Variants in ZNF185 observed in about 807,000 individuals in gnomAD.
The protein encoded by ZNF185 is zinc finger protein 185 with LIM domain, also known as zinc finger protein 185.
ZNF185 carries 56 observed loss-of-function variants against 58.6 expected under a neutral mutation model. That is an observed-to-expected ratio of 0.95 (90% CI 0.77 to 1.19). The LOEUF is 1.19. Among genes scored for constraint, ZNF185 ranks in the 50% most tolerant of loss-of-function variants. The pLI is 0.00. For missense variants in ZNF185, 627 were observed against 573.5 expected (o/e 1.09, Z -0.95); for synonymous variants, 230 against 215.9 (o/e 1.07, Z -0.57).
chrX:152,958,116 G>T (rs2049041480), intron 16 of ZNF185, among the ~76,000 whole-genome samples: 1 of 112,235 alleles, frequency 8.9e-6, no homozygotes, highest in African/African-American at 3.2e-5. Context: ...TCTTTCGTAA[G>T]ATGTCACCAT....
intron 16 of ZNF185, among the ~76,000 whole-genome samples, chrX:152,957,145 G>A (rs1165340159): frequency 9.4e-6 from 1 of 106,086 alleles, no homozygotes; most frequent in African/African-American, 3.5e-5. Flanking sequence ...TCGGCTCACT[G>A]CAACCTCTGT....
chrX:152,920,437 G>A (rs782066162), intron 8 of ZNF185, 26 bp downstream of exon 9: 1 of 1,190,309 alleles, frequency 8.4e-7, no homozygotes, highest in South Asian at 1.8e-5. Context: ...CTGGCTCCAG[G>A]CTCTAGGACA....
At chrX:152,936,069 C>G (rs1049111835) in intron 14 of ZNF185, among the ~76,000 whole-genome samples, 4 of 112,484 alleles carry the variant, frequency 3.6e-5, no homozygotes, top group Non-Finnish European at 5.6e-5. Flanking sequence ...TACTTGGCAT[C>G]TATGAACTCA....
chrX:152,899,146 G>A, the ZNF185 span, among the ~76,000 whole-genome samples: 4 of 112,366 alleles, frequency 3.6e-5, no homozygotes, highest in Non-Finnish European at 7.5e-5. Context: ...CCCCAAAGCT[G>A]TGAGCCCCGA....
intron 14 of ZNF185, among the ~76,000 whole-genome samples, chrX:152,935,262 C>G (rs2046135980): frequency 2.0e-5 from 2 of 98,768 alleles, no homozygotes; most frequent in South Asian, 5.2e-4. Context: ...TTGAGACGGA[C>G]TCTTGCTCTG....
At chrX:152,941,432 G>A (rs2047164432) in intron 15 of ZNF185, among the ~76,000 whole-genome samples, 1 of 112,820 alleles carries the variant, frequency 8.9e-6, no homozygotes, top group Admixed American at 9.3e-5. Context: ...TTGCTGTAGA[G>A]CCTTGACGAT....
chrX:152,941,801 G>T, intron 15 of ZNF185: 1 of 1,160,905 alleles, frequency 8.6e-7, no homozygotes, highest in Non-Finnish European at 1.2e-6. Context: ...TCACGAATGG[G>T]CCCGAGGAGC....
At chrX:152,943,301 T>C (rs1380005757) in intron 15 of ZNF185, among the ~76,000 whole-genome samples, 2 of 112,085 alleles carry the variant, frequency 1.8e-5, no homozygotes, top group Non-Finnish European at 3.8e-5. Context: ...GGGACTACAA[T>C]TTCCGTTTTT....
intron 16 of ZNF185, among the ~76,000 whole-genome samples, chrX:152,953,833 C>T (rs900778057): frequency 3.6e-5 from 4 of 112,137 alleles, no homozygotes; most frequent in Non-Finnish European, 7.5e-5. Flanking sequence ...CACCACCTCC[C>T]GGGTTTAAGC....
Position 152,922,163 on chromosome X carries a change from T to C in ZNF185, c.657-10T>C. The C allele has an allele frequency of 1.7e-6, 2 of 1,190,582 alleles. No homozygotes were observed. Among genetic ancestry groups the C allele is most frequent in the Non-Finnish European group, 2.3e-6 (2 of 884,593 alleles). ...AAGACCACGAGCGCTGTTTCTCTTC[T>C]TGCTCAAAGGGTGGAGGTGGTGGAA... On this transcript the variant is annotated splice_polypyrimidine_tract_variant and intron_variant, in intron 9 of 22. Transcript: ENST00000449285.
chrX:152,929,062 T>G, intron 12 of ZNF185, among the ~76,000 whole-genome samples: 1 of 110,869 alleles, frequency 9.0e-6, no homozygotes, highest in Non-Finnish European at 1.9e-5. Flanking sequence ...TCAGCCGTGC[T>G]GGGGATGTTG....
chrX:152,959,794 C>T, exon 17 of ZNF185: 1 of 1,211,824 alleles, frequency 8.3e-7, no homozygotes, highest in Non-Finnish European at 1.1e-6. Flanking sequence ...CAAGGAGACC[C>T]AGCTGTACCC....
chrX:152,962,250 C>T (rs1410376873), intron 17 of ZNF185, among the ~76,000 whole-genome samples: 5 of 110,171 alleles, frequency 4.5e-5, no homozygotes, highest in Non-Finnish European at 9.5e-5. Context: ...GGGAGGGCTC[C>T]TATTGCTCAC....
In ZNF185 at chrX:152,927,485, T is replaced by A. The variant is rs193022577; in HGVS notation, c.831-1090T>A. ...CCCTACCCCTCCTGGGACCCCTGAG[T>A]GGCCTCTTTAAAGTGCCAGTCTGAA... On this transcript the variant is annotated intron_variant, in intron 11 of 22. Coordinates refer to ENST00000449285, the Ensembl canonical transcript of ZNF185. 6.3e-3 allele frequency among the ~76,000 whole-genome samples: 701 copies of A among 111,324 alleles called. 3 individuals are homozygous for A. Among genetic ancestry groups the A allele is most frequent in the African/African-American group, 0.022 (673 of 30,618 alleles).
chrX:152,904,765 A>T, the ZNF185 span, among the ~76,000 whole-genome samples: 1 of 111,846 alleles, frequency 8.9e-6, no homozygotes, highest in Non-Finnish European at 1.9e-5. Context: ...GGCTCTCCCC[A>T]CTGCGCTAGG....
intron 15 of ZNF185, among the ~76,000 whole-genome samples, chrX:152,941,987 G>A: frequency 8.9e-6 from 1 of 112,347 alleles, no homozygotes; most frequent in Non-Finnish European, 1.9e-5. Flanking sequence ...TGGGACACTG[G>A]ACACGGGTCG....
intron 5 of ZNF185, 86 bp downstream of exon 6, chrX:152,917,448 A>G (rs1400603113): frequency 1.9e-6 from 2 of 1,060,450 alleles, no homozygotes; most frequent in Admixed American, 4.5e-5. Flanking sequence ...TGCTCTGCCT[A>G]TCAGGACTGT....
chrX:152,959,574 C>G lies in ZNF185; in HGVS notation c.1410-125C>G. On this transcript the variant is annotated intron_variant, in intron 16 of 22. Coordinates refer to ENST00000449285, the Ensembl canonical transcript of ZNF185. ...GGTGGGGATTGTGCCTCCTTCCTGT[C>G]TGCCCCACTCTTGGGGAGATGAGTC... The G allele has an allele frequency of 3.9e-6, 3 of 771,721 alleles. No individual in the cohort carries two copies. In the Middle Eastern group the frequency reaches 1.4e-3, roughly 365 times the overall value. 63.6% of individuals were successfully genotyped at this position (771,721 alleles called of 1,213,427 possible).
intron 18 of ZNF185, among the ~76,000 whole-genome samples, chrX:152,965,066 G>C (rs781876575): frequency 2.8e-4 from 31 of 111,750 alleles, no homozygotes; most frequent in African/African-American, 8.5e-4. Context: ...AGGATATCTT[G>C]GTTGTGGGTA....
Sources: allele counts gnomAD v4.1 joint callset (sites outside exome capture counted in the v4.1 genomes callset), GRCh38; gene constraint gnomAD v4.1.1; transcripts MANE v1.5; gene names NCBI Gene and HGNC (gene_info 2026-07-23, HGNC 2026-07-21).